The following RINL variants were observed in gnomAD, a reference collection of about 807,000 sequenced individuals.
RINL encodes the protein Ras and Rab interactor like.
Under a neutral mutation model 58.1 loss-of-function variants are expected in RINL, and 39 were observed. The observed-to-expected ratio is 0.67, with a 90% confidence interval of 0.52 to 0.88. The LOEUF (loss-of-function observed/expected upper bound fraction) is 0.88, where lower values mean the gene tolerates loss of function less well. Among genes scored for constraint, RINL ranks in the 40% least tolerant of loss-of-function variants. The pLI is 0.00. For missense variants in RINL, 711 were observed against 749.2 expected, an observed-to-expected ratio of 0.95 and a Z score of 0.60; for synonymous variants, 286 against 323.1, an observed-to-expected ratio of 0.89 and a Z score of 1.23.
At position 38,869,825 on chromosome 19, in the gene RINL, C is replaced by T. The variant is rs1415734250; in HGVS notation, c.1342+118G>A. ...CCCTCCACCTTGTCGGGCATGACAG[C>T]GCCTCCTACCAGAATCTTCAGGACC... On this transcript the variant is annotated intron_variant, in intron 9 of 11. Transcript: ENST00000591812. This position sits in a 1 kb window ranked among gnomAD's most constrained non-coding sequence, Gnocchi z 5.7. 2.6e-6 allele frequency: 4 copies of T among 1,532,154 alleles called. No homozygotes were observed. The highest frequency in any genetic ancestry group is 3.5e-6 in the Non-Finnish European group (4 of 1,133,466). The allele number at this position is 1,532,154 out of a possible 1,614,324, so 94.9% of individuals were successfully genotyped here.
At position 38,871,225 on chromosome 19, in the gene RINL, G is replaced by A. The variant is rs748127312; in HGVS notation, c.454C>T (p.Pro152Ser). ...TGTTGGACCCTGCCGATCTGCACAG[G>A]ATCTGGAGCCAGCAGAAGTGAGAAG... ...TLGPRDEHTD[P>S]VQIGRVQQDT... The change falls in exon 7 of 12, where the codon CCT becomes TCT. Residue 152 changes from proline to serine, a missense_variant and splice_region_variant. Physicochemically the swap from Pro to Ser is moderately conservative, Grantham distance 74. Transcript: ENST00000591812. The A allele has an allele frequency of 6.2e-7, 1 of 1,613,850 alleles. No individual in the cohort carries two copies. Among genetic ancestry groups the A allele is most frequent in the Non-Finnish European group, 8.5e-7 (1 of 1,179,998 alleles).
chr19:38,867,860 G>T lies in RINL; in HGVS notation c.*1244C>A, dbSNP rs1972707486. 6.6e-6 allele frequency: 1 copy of T among 151,952 alleles called. No homozygotes were observed. Among genetic ancestry groups the T allele is most frequent in the South Asian group, 2.1e-4 (1 of 4,824 alleles). 9.4% of individuals were successfully genotyped at this position (151,952 alleles called of 1,614,324 possible). On this transcript the variant is annotated 3_prime_UTR_variant, in exon 12 of 12. Coordinates refer to ENST00000591812, the MANE Select transcript of RINL (RefSeq NM_001195833.2). ...AATATGTCAGTAACTTTTTAATATG[G>T]ATACATGTTGAAGTGATAATATTTG...
chr19:38,875,330 C>T (rs954968362), intron 3 of RINL, among the ~76,000 whole-genome samples: 3 of 150,308 alleles, frequency 2.0e-5, no homozygotes, highest in South Asian at 2.1e-4. Context: ...GGATTACAGG[C>T]GTGAGTCAGC....
intron 4 of RINL, among the ~76,000 whole-genome samples, chr19:38,872,685 C>A (rs1043047087): frequency 1.3e-5 from 2 of 151,762 alleles, no homozygotes; most frequent in Middle Eastern, 3.4e-3. Context: ...GCCAGCCTGG[C>A]CAACATGGCA....
rs1357189180 is a variant in RINL at position 38,870,609 on chromosome 19, T to C, written c.985A>G (p.Ser329Gly). Residue 329 changes from serine (S) to glycine (G), a missense_variant, in exon 8 of 12, where the codon AGC becomes GGC. Coordinates refer to ENST00000591812, the MANE Select transcript of RINL (RefSeq NM_001195833.2). This position sits in a 1 kb window ranked among gnomAD's most constrained non-coding sequence, Gnocchi z 5.8. ...TTCTTGGGGAGCCCAGGACCCCTGCTTCCAAAGACAGCCCTGATGTAGGAG... is the reference window on the plus strand; with the variant it reads ...TTCTTGGGGAGCCCAGGACCCCTGCCTCCAAAGACAGCCCTGATGTAGGAG... ...KDSYIRAVFGSRGPGLPKKDE... is the reference protein window; with the variant it reads ...KDSYIRAVFGGRGPGLPKKDE... The C allele has an allele frequency of 6.2e-7, 1 of 1,603,394 alleles. No individual in the cohort carries two copies. The highest frequency in any genetic ancestry group is 8.5e-7 in the Non-Finnish European group (1 of 1,174,222).
At chr19:38,871,473 G>A (rs1972813275) in intron 6 of RINL, 174 bp downstream of exon 6, 1 of 695,972 alleles carries the variant, frequency 1.4e-6, no homozygotes, top group East Asian at 2.7e-5. Context: ...AGGAATACAG[G>A]CCCCCATCCC....
At chr19:38,874,016 G>A in intron 3 of RINL, 28 bp from the exon 4 acceptor site, 1 of 1,378,502 alleles carries the variant, frequency 7.3e-7, no homozygotes, top group Non-Finnish European at 1.0e-6. Flanking sequence ...AGGCCAGCGT[G>A]ACAAAGGTGT....
In RINL at chr19:38,869,885, G is replaced by A. The variant is rs1600089022; in HGVS notation, c.1342+58C>T. 1.9e-6 allele frequency: 3 copies of A among 1,541,554 alleles called. No homozygotes were observed. Among genetic ancestry groups the A allele is most frequent in the Non-Finnish European group, 2.6e-6 (3 of 1,145,314 alleles). On this transcript the variant is annotated intron_variant, in intron 9 of 11. Coordinates refer to ENST00000591812, the MANE Select transcript of RINL (RefSeq NM_001195833.2). The surrounding 1 kb of genome is among the most constrained non-coding windows in gnomAD (Gnocchi z 5.7). Reference sequence around the variant, plus strand: ...CCTCCCACCAGTGCTACCCTCTCCCGCCTGGCTCCAACTCTCAAGGCTCTC... The same window carrying A: ...CCTCCCACCAGTGCTACCCTCTCCCACCTGGCTCCAACTCTCAAGGCTCTC...
At position 38,870,678 on chromosome 19, in the gene RINL, C is replaced by T. The variant is rs769057247; in HGVS notation, c.916G>A (p.Val306Met). The T allele has an allele frequency of 1.2e-6, 2 of 1,613,642 alleles. No individual in the cohort carries two copies. The highest frequency in any genetic ancestry group is 1.7e-5 in the Admixed American group (1 of 59,970). The change falls in exon 8 of 12, where the codon GTG becomes ATG. Residue 306 changes from valine (V) to methionine (M), a missense_variant. Coordinates refer to ENST00000591812, the MANE Select transcript of RINL (RefSeq NM_001195833.2). This position sits in a 1 kb window ranked among gnomAD's most constrained non-coding sequence, Gnocchi z 5.8. ...GDPATELLQDVRHLLTDLQDH... is the reference protein window; with the variant it reads ...GDPATELLQDMRHLLTDLQDH... Reference sequence around the variant, plus strand: ...TGGAGGTCAGTAAGGAGGTGCCGCACATCCTGAAGCAGCTCCGTGGCCGGG... The same window carrying T: ...TGGAGGTCAGTAAGGAGGTGCCGCATATCCTGAAGCAGCTCCGTGGCCGGG...
Position 38,878,243 on chromosome 19 carries a change from GGA to G in RINL, c.-53_-52del, listed in dbSNP as rs1168296071. 6.6e-6 allele frequency: 1 copy of G among 152,568 alleles called. No individual in the cohort carries two copies. Among genetic ancestry groups the G allele is most frequent in the Non-Finnish European group, 1.5e-5 (1 of 68,280 alleles). The allele number at this position is 152,568 out of a possible 1,614,324, so 9.5% of individuals were successfully genotyped here. Reference sequence around the variant, plus strand: ...CCTGGGGGCCCTACCTGTTCTCGGAGGAGAGGCCTGCAGTAGCAGGAAGTGGA... The same window carrying G: ...CCTGGGGGCCCTACCTGTTCTCGGAGGAGGCCTGCAGTAGCAGGAAGTGGA... On this transcript the variant is annotated 5_prime_UTR_variant, in exon 1 of 12. Transcript: ENST00000591812.
In RINL at chr19:38,876,499, GAC is replaced by G. The variant is rs1226167080; in HGVS notation, c.51-11_51-10del. 9 of 1,535,774 alleles carry G rather than the reference GAC, an allele frequency of 5.9e-6. No homozygotes were observed. In the African/African-American group the frequency reaches 1.2e-4, roughly 21 times the overall value. On this transcript the variant is annotated splice_polypyrimidine_tract_variant and intron_variant, in intron 2 of 11. Transcript: ENST00000591812. Reference sequence around the variant, plus strand: ...CCTGTGGTGGGACCAGCCTGGGATGGACAGTGTCCAGGGAGTCAGGGGTCAGA... The same window carrying G: ...CCTGTGGTGGGACCAGCCTGGGATGGAGTGTCCAGGGAGTCAGGGGTCAGA...
Position 38,870,005 on chromosome 19 carries a change from A to C in RINL, c.1280T>G (p.Val427Gly). 6.3e-7 allele frequency: 1 copy of C among 1,584,310 alleles called. No homozygotes were observed. Among genetic ancestry groups the C allele is most frequent in the Non-Finnish European group, 8.6e-7 (1 of 1,167,724 alleles). ...TCTGCACACCTCCAAGAGGAGCGCC[A>C]CCTTGCGGCGCGGGGCGCAGGCAGC... is the stretch of plus-strand genomic sequence containing the variant. ...LHAACAPRRK[V>G]ALLLEVCRDV... Residue 427 changes from valine (V) to glycine (G), a missense_variant, in exon 9 of 12, where the codon GTG becomes GGG. Physicochemically the swap from Val to Gly is moderately radical, Grantham distance 109. Transcript: ENST00000591812. This position sits in a 1 kb window ranked among gnomAD's most constrained non-coding sequence, Gnocchi z 5.8.
At chr19:38,878,065 A>AGGGAG (rs777882514) in intron 1 of RINL, among the ~76,000 whole-genome samples, 167 bp downstream of exon 1, 2 of 151,698 alleles carry the variant, frequency 1.3e-5, no homozygotes, top group Non-Finnish European at 2.9e-5. Context: ...GCAGGAAGGA[A>AGGGAG]GGGAGGGGAG....
In RINL at chr19:38,868,750, G is replaced by A; in HGVS notation, c.*354C>T. The A allele has an allele frequency of 5.2e-6, 1 of 193,338 alleles. No homozygotes were observed. Among genetic ancestry groups the A allele is most frequent in the Non-Finnish European group, 1.1e-5 (1 of 92,906 alleles). 12.0% of individuals were successfully genotyped at this position (193,338 alleles called of 1,614,324 possible). A position where few individuals can be genotyped will look rare whatever the true frequency, so the allele number is the denominator to read the frequency against. On this transcript the variant is annotated 3_prime_UTR_variant, in exon 12 of 12. Coordinates refer to ENST00000591812, the MANE Select transcript of RINL (RefSeq NM_001195833.2). Reference sequence around the variant, plus strand: ...GGAGGAGGGAGGGGTCCCAGGAAAAGGGAACAGCCTACCTCTGGGCCTTTG... The same window carrying A: ...GGAGGAGGGAGGGGTCCCAGGAAAAAGGAACAGCCTACCTCTGGGCCTTTG...
intron 3 of RINL, among the ~76,000 whole-genome samples, chr19:38,875,207 CTTTTTTCTTTTT>C (rs1972895918): frequency 7.1e-6 from 1 of 141,760 alleles, no homozygotes; most frequent in Non-Finnish European, 1.5e-5. Context: ...TTTTTTTTTT[CTTTTTTCTTTTT>C]TTTTTTTTTT....
In RINL at chr19:38,869,827, C is replaced by A; in HGVS notation, c.1342+116G>T. On this transcript the variant is annotated intron_variant, in intron 9 of 11. Coordinates refer to ENST00000591812, the MANE Select transcript of RINL (RefSeq NM_001195833.2). This position sits in a 1 kb window ranked among gnomAD's most constrained non-coding sequence, Gnocchi z 5.7. ...CTCCACCTTGTCGGGCATGACAGCG[C>A]CTCCTACCAGAATCTTCAGGACCGC... is the stretch of plus-strand genomic sequence containing the variant. 6.5e-7 allele frequency: 1 copy of A among 1,535,524 alleles called. No homozygotes were observed. Among genetic ancestry groups the A allele is most frequent in the Admixed American group, 1.9e-5 (1 of 51,574 alleles).
Position 38,869,887 on chromosome 19 carries a change from C to T in RINL, c.1342+56G>A. ...TCCCACCAGTGCTACCCTCTCCCGCCTGGCTCCAACTCTCAAGGCTCTCCC... is the reference window on the plus strand; with the variant it reads ...TCCCACCAGTGCTACCCTCTCCCGCTTGGCTCCAACTCTCAAGGCTCTCCC... On this transcript the variant is annotated intron_variant, in intron 9 of 11. Transcript: ENST00000591812. This position sits in a 1 kb window ranked among gnomAD's most constrained non-coding sequence, Gnocchi z 5.7. 6.5e-7 allele frequency: 1 copy of T among 1,545,778 alleles called. No individual in the cohort carries two copies. The highest frequency in any genetic ancestry group is 2.4e-5 in the East Asian group (1 of 41,424).
intron 1 of RINL, 81 bp from the exon 2 acceptor site, chr19:38,876,862 A>G (rs926976229): frequency 1.3e-6 from 1 of 785,444 alleles, no homozygotes; most frequent in Non-Finnish European, 2.1e-6. Context: ...TATGGCAGAG[A>G]CCCTGACCAA....
chr19:38,874,556 G>A (rs1168212452), intron 3 of RINL, among the ~76,000 whole-genome samples: 1 of 152,194 alleles, frequency 6.6e-6, no homozygotes, highest in Admixed American at 6.5e-5. Flanking sequence ...TAATAGGCGT[G>A]AGCCACTGCG....
Sources: gnomAD v4.1 joint callset for allele counts (sites outside exome capture counted in the v4.1 genomes callset) on GRCh38, gnomAD v4.1.1 for gene constraint, Gnocchi (gnomAD v3.1) non-coding constraint, MANE v1.5 for transcripts, NCBI Gene and HGNC (gene_info 2026-07-23, HGNC 2026-07-21) for gene names.